GNB4: variants seen among roughly 807,000 people sequenced by gnomAD.
GNB4 encodes G protein subunit beta 4.
Under a neutral mutation model 45.2 loss-of-function variants are expected in GNB4, and 28 were observed. The observed-to-expected ratio is 0.62, with a 90% CI of 0.46 to 0.85. The LOEUF is 0.85. GNB4 is among the 40% of genes least tolerant of loss of function. GNB4 has a pLI of 0.00. For synonymous variants in GNB4, 132 were observed against 143.7 expected (o/e 0.92, Z 0.58); for missense variants, 321 against 425.4 (o/e 0.75, Z 2.16).
chr3:179,420,288 C>G (rs957073010), intron 3 of GNB4, among the ~76,000 whole-genome samples: 64 of 149,574 alleles, frequency 4.3e-4, no homozygotes, highest in African/African-American at 1.5e-3. Flanking sequence ...ACCACCATGA[C>G]CAGCTAACTT....
At chr3:179,452,674 A>G (rs1715914507), upstream of GNB4, among the ~76,000 whole-genome samples, 1 of 152,154 alleles carries the variant, frequency 6.6e-6, no homozygotes, top group African/African-American at 2.4e-5. Flanking sequence ...CGTGACAAAA[A>G]TAGAAGCAGC....
rs1228786317 is a variant in GNB4 at position 179,413,580 on chromosome 3, G to A, written c.531C>T (p.Thr177=). ...ALWDIETAQQ[T]TTFTGHSGDV... is the part of the protein sequence containing the mutation. ...CTCCAGAATGCCCAGTGAATGTGGT[G>A]GTCTGCTGGGCAGTTTCGATGTCCC... The change falls in exon 8 of 10, where the codon ACC becomes ACT. Residue 177 remains threonine (T), a synonymous_variant. Transcript: ENST00000232564. The A allele has an allele frequency of 1.9e-6, 3 of 1,614,064 alleles. No homozygotes were observed. The highest frequency in any genetic ancestry group is 1.1e-5 in the South Asian group (1 of 91,070).
At chr3:179,523,617 G>C in the GNB4 span, among the ~76,000 whole-genome samples, 2 of 152,206 alleles carry the variant, frequency 1.3e-5, no homozygotes. Flanking sequence ...AGGCCATGCT[G>C]TAACAGGTGA....
chr3:179,403,909 A>G (rs1560209088), intron 9 of GNB4, among the ~76,000 whole-genome samples: 1 of 152,212 alleles, frequency 6.6e-6, no homozygotes, highest in Non-Finnish European at 1.5e-5. Context: ...TGGGAGATCT[A>G]GAAAAAGGGA....
the GNB4 span, among the ~76,000 whole-genome samples, chr3:179,523,978 G>T: frequency 6.6e-6 from 1 of 152,222 alleles, no homozygotes; most frequent in Non-Finnish European, 1.5e-5. Flanking sequence ...TGGCATCAGA[G>T]TTGGGGAGTT....
upstream of GNB4, among the ~76,000 whole-genome samples, chr3:179,455,684 T>C (rs962164057): frequency 1.3e-5 from 2 of 152,230 alleles, no homozygotes. Flanking sequence ...ATATTAGTTA[T>C]CTATTGCTCT....
chr3:179,519,332 G>A, the GNB4 span, among the ~76,000 whole-genome samples: 1 of 152,208 alleles, frequency 6.6e-6, no homozygotes, highest in Non-Finnish European at 1.5e-5. Context: ...AGCGGCTGAA[G>A]ACTGACACTG....
upstream of GNB4, among the ~76,000 whole-genome samples, chr3:179,455,454 T>C (rs1440095179): frequency 1.3e-5 from 2 of 152,214 alleles, no homozygotes; most frequent in Non-Finnish European, 2.9e-5. Context: ...GTCTTAATTA[T>C]ATAAAATGAA....
intron 9 of GNB4, among the ~76,000 whole-genome samples, chr3:179,401,525 A>G (rs548058666): frequency 6.6e-6 from 1 of 152,352 alleles, no homozygotes; most frequent in East Asian, 1.9e-4. Context: ...GTATTTATAA[A>G]TTTGGATTAT....
At chr3:179,443,862 T>C (rs993392007) in intron 1 of GNB4, among the ~76,000 whole-genome samples, 3 of 152,212 alleles carry the variant, frequency 2.0e-5, no homozygotes, top group Non-Finnish European at 4.4e-5. Context: ...CCACCACTAA[T>C]GTTCTCGGAA....
chr3:179,525,701 G>A, the GNB4 span, among the ~76,000 whole-genome samples: 5 of 152,198 alleles, frequency 3.3e-5, no homozygotes, highest in South Asian at 2.1e-4. Context: ...TTGGGTCCAC[G>A]GATAAAATGT....
the GNB4 span, among the ~76,000 whole-genome samples, chr3:179,500,131 G>T: frequency 1.3e-5 from 2 of 152,110 alleles, no homozygotes; most frequent in Non-Finnish European, 2.9e-5. Flanking sequence ...CATTGCTTTT[G>T]GTGTTTTAGT....
At chr3:179,478,355 G>C in the GNB4 span, among the ~76,000 whole-genome samples, 1 of 152,124 alleles carries the variant, frequency 6.6e-6, no homozygotes, top group Non-Finnish European at 1.5e-5. Context: ...GAGTTGTATA[G>C]TCCTGAGCAA....
chr3:179,450,896 C>T (rs73047177), intron 1 of GNB4: 2 of 152,234 alleles, frequency 1.3e-5, no homozygotes, highest in Non-Finnish European at 2.9e-5. Context: ...CAGCGTAGAA[C>T]TTTTATGAGT....
chr3:179,503,854 T>G, the GNB4 span, among the ~76,000 whole-genome samples: 1 of 152,212 alleles, frequency 6.6e-6, no homozygotes, highest in African/African-American at 2.4e-5. Flanking sequence ...GCCAAACTTG[T>G]TTGATCTGTT....
the GNB4 span, among the ~76,000 whole-genome samples, chr3:179,513,854 A>G: frequency 1.3e-5 from 2 of 152,238 alleles, no homozygotes; most frequent in Non-Finnish European, 2.9e-5. Context: ...TATAGAAAAT[A>G]TAAAATAAAA....
chr3:179,519,512 G>A, the GNB4 span, among the ~76,000 whole-genome samples: 1 of 152,036 alleles, frequency 6.6e-6, no homozygotes, highest in African/African-American at 2.4e-5. Flanking sequence ...TGTATTGATG[G>A]CCAGGCTTCT....
In GNB4 at chr3:179,413,533, C is replaced by A; in HGVS notation, c.578G>T (p.Ser193Ile). 1 of 1,614,166 alleles carries A rather than the reference C, an allele frequency of 6.2e-7. No homozygotes were observed. Among genetic ancestry groups the A allele is most frequent in the African/African-American group, 1.3e-5 (1 of 75,052 alleles). The change falls in exon 8 of 10, where the codon AGT becomes ATT. Residue 193 changes from serine (S) to isoleucine (I), a missense_variant. Ser to Ile is a moderately radical substitution (Grantham distance 142, BLOSUM62 -2). Coordinates refer to ENST00000232564, the MANE Select transcript of GNB4 (RefSeq NM_021629.4). ...HSGDVMSLSLSPDMRTFVSGA... is the reference protein window; with the variant it reads ...HSGDVMSLSLIPDMRTFVSGA... Reference sequence around the variant, plus strand: ...AGAAACAAAAGTCCTCATGTCAGGACTCAAAGAAAGACTCATCACATCTCC... The same window carrying A: ...AGAAACAAAAGTCCTCATGTCAGGAATCAAAGAAAGACTCATCACATCTCC...
At chr3:179,420,505 C>T (rs1244823136) in intron 3 of GNB4, among the ~76,000 whole-genome samples, 1 of 150,880 alleles carries the variant, frequency 6.6e-6, no homozygotes, top group Non-Finnish European at 1.5e-5. Context: ...TCTTCTCGCC[C>T]AGGCTGGAGT....
Sources: gnomAD v4.1 joint callset for allele counts (sites outside exome capture counted in the v4.1 genomes callset) on GRCh38, gnomAD v4.1.1 for gene constraint, MANE v1.5 for transcripts, NCBI Gene and HGNC (gene_info 2026-07-23, HGNC 2026-07-21) for gene names.